The following ARHGAP39 variants were observed in gnomAD, a reference collection of about 807,000 sequenced individuals.
ARHGAP39 encodes the protein rho GTPase-activating protein 39.
In ARHGAP39, 44 loss-of-function variants were observed where a neutral mutation model predicts 106.9. The ratio of observed to expected loss-of-function variants is 0.41; its 90% confidence interval spans 0.32 to 0.53. The LOEUF (loss-of-function observed/expected upper bound fraction) is 0.53, where lower values mean the gene tolerates loss of function less well. Among genes scored for constraint, ARHGAP39 ranks in the 20% least tolerant of loss-of-function variants. The pLI, the probability that ARHGAP39 is intolerant of heterozygous loss-of-function variation, is 0.21. For synonymous variants in ARHGAP39, 768 were observed against 693.2 expected, an observed-to-expected ratio of 1.11 and a Z score of -1.69; for missense variants, 1,496 against 1,577.3, an observed-to-expected ratio of 0.95 and a Z score of 0.87.
chr8:144,559,897 G>A (rs1025471476), intron 3 of ARHGAP39, among the ~76,000 whole-genome samples: 2 of 152,172 alleles, frequency 1.3e-5, no homozygotes, highest in Admixed American at 6.5e-5. Flanking sequence ...TGTTTTAATG[G>A]CAACCTATCA....
intron 6 of ARHGAP39, among the ~76,000 whole-genome samples, chr8:144,541,999 C>T (rs1817214753): frequency 6.6e-6 from 1 of 150,472 alleles, no homozygotes; most frequent in Non-Finnish European, 1.5e-5. Context: ...TAAAAAATGG[C>T]TTCACTGCTG....
intron 2 of ARHGAP39, among the ~76,000 whole-genome samples, chr8:144,584,981 TC>T (rs1300365267): frequency 1.3e-5 from 2 of 152,140 alleles, no homozygotes; most frequent in Non-Finnish European, 2.9e-5. Context: ...AAACTGAGAA[TC>T]ACCTCTTTGT....
rs1489587764 is a variant in ARHGAP39 at position 144,565,123 on chromosome 8, T to C, written c.513-9480A>G. On this transcript the variant is annotated intron_variant, in intron 3 of 11. Transcript: ENST00000377307. ...GAATTCCATCTCAAAAAAAAAATTA[T>C]ATACATATAAATTAGCTAGGTGTGG... Among the ~76,000 whole-genome samples, 3 of 150,988 alleles carry C rather than the reference T, an allele frequency of 2.0e-5. No homozygotes were observed. The East Asian group carries it at 5.9e-4, about 30-fold the overall frequency.
intron 1 of ARHGAP39, among the ~76,000 whole-genome samples, chr8:144,629,196 T>C (rs1159732857): frequency 6.6e-6 from 1 of 152,264 alleles, no homozygotes; most frequent in Non-Finnish European, 1.5e-5. Flanking sequence ...CGGTATCTTC[T>C]GTAACGGAAG....
chr8:144,654,921 C>T (rs1373223809), intron 1 of ARHGAP39, among the ~76,000 whole-genome samples: 1 of 151,996 alleles, frequency 6.6e-6, no homozygotes, highest in Non-Finnish European at 1.5e-5. Flanking sequence ...ACGGAGCAGG[C>T]AGGAGCCCCA....
rs777271175 is a variant in ARHGAP39, at chr8:144,530,819, G to A, written c.3033C>T (p.His1011=). Residue 1011 remains histidine, a synonymous_variant, in exon 11 of 12, where the codon CAC becomes CAT. Coordinates refer to ENST00000377307, the MANE Select transcript of ARHGAP39 (RefSeq NM_025251.3). The part of the protein sequence containing the change: ...YRELEEPLIP[H]EFYEQCIAHY... ...GCGCGATGCACTGCTCGTAGAACTCGTGCGGGATCAGGGGCTCCTCCAGCT... is the reference window on the plus strand; with the variant it reads ...GCGCGATGCACTGCTCGTAGAACTCATGCGGGATCAGGGGCTCCTCCAGCT... 6.2e-7 allele frequency: 1 copy of A among 1,611,802 alleles called. No individual in the cohort carries two copies. Among genetic ancestry groups the A allele is most frequent in the Non-Finnish European group, 8.5e-7 (1 of 1,179,718 alleles).
upstream of ARHGAP39, among the ~76,000 whole-genome samples, chr8:144,690,520 G>A (rs948210537): frequency 6.6e-6 from 1 of 151,996 alleles, no homozygotes; most frequent in East Asian, 1.9e-4. Flanking sequence ...GATGTGAGGC[G>A]ATATCTAATT....
intron 3 of ARHGAP39, among the ~76,000 whole-genome samples, chr8:144,556,213 A>T (rs1035098702): frequency 2.1e-5 from 3 of 143,420 alleles, no homozygotes; most frequent in Non-Finnish European, 4.5e-5. Context: ...TGAACCCGGG[A>T]GGCGGAGCGT....
chr8:144,579,133 C>T (rs1381475656), intron 3 of ARHGAP39, among the ~76,000 whole-genome samples: 5 of 132,740 alleles, frequency 3.8e-5, no homozygotes, highest in East Asian at 2.4e-4. Flanking sequence ...ACCCGGGAGG[C>T]GGAACTTGCA....
At chr8:144,661,606 G>A (rs907658765) in intron 1 of ARHGAP39, among the ~76,000 whole-genome samples, 5 of 152,042 alleles carry the variant, frequency 3.3e-5, no homozygotes, top group East Asian at 3.9e-4. Flanking sequence ...GGCTGGTCTC[G>A]AACTCCTGCC....
the ARHGAP39 span, among the ~76,000 whole-genome samples, chr8:144,699,861 C>G: frequency 1.3e-5 from 2 of 152,178 alleles, no homozygotes; most frequent in Non-Finnish European, 2.9e-5. Flanking sequence ...GGGCCCCCAG[C>G]CTGTCCAGGG....
At chr8:144,642,419 G>A (rs112781034) in intron 1 of ARHGAP39, among the ~76,000 whole-genome samples, 1,702 of 152,004 alleles carry the variant, frequency 0.011, 31 homozygotes, top group African/African-American at 0.039. Context: ...CCTGGGAGGC[G>A]GAGGCTGCAG....
intron 1 of ARHGAP39, among the ~76,000 whole-genome samples, chr8:144,635,709 C>G (rs1424000791): frequency 1.3e-5 from 2 of 152,102 alleles, no homozygotes; most frequent in East Asian, 3.9e-4. Context: ...GCTAGGTAGA[C>G]AGTGTGGAGA....
upstream of ARHGAP39, among the ~76,000 whole-genome samples, chr8:144,686,700 G>T (rs992499943): frequency 1.3e-5 from 2 of 152,158 alleles, no homozygotes; most frequent in African/African-American, 4.8e-5. Flanking sequence ...CTTCCCTGTT[G>T]GGCCGTCGTC....
rs779042514 is a variant in ARHGAP39 at position 144,534,153 on chromosome 8, C to A, written c.2664G>T (p.Lys888Asn). ...YAKYCYHKLQ[K>N]AALTGAKKGL... ...CCTTCTTGGCCCCGGTCAGGGCTGCCTTCTGTAGCTTGTGGTAACAGTACT... is the reference window on the plus strand; with the variant it reads ...CCTTCTTGGCCCCGGTCAGGGCTGCATTCTGTAGCTTGTGGTAACAGTACT... Residue 888 changes from lysine (K) to asparagine (N), a missense_variant, in exon 8 of 12, where the codon AAG becomes AAT. Coordinates refer to ENST00000377307, the MANE Select transcript of ARHGAP39 (RefSeq NM_025251.3). 1.9e-6 allele frequency: 3 copies of A among 1,613,222 alleles called. No homozygotes were observed. The highest frequency in any genetic ancestry group is 1.3e-5 in the African/African-American group (1 of 74,900).
chr8:144,620,032 C>T (rs529184359), intron 1 of ARHGAP39, among the ~76,000 whole-genome samples: 128 of 130,094 alleles, frequency 9.8e-4, no homozygotes, highest in Middle Eastern at 7.4e-3. Flanking sequence ...CAGTGTGTGC[C>T]GGTGTTTGTG....
At chr8:144,666,936 C>G (rs531314874) in intron 1 of ARHGAP39, among the ~76,000 whole-genome samples, 2 of 152,294 alleles carry the variant, frequency 1.3e-5, no homozygotes, top group South Asian at 2.1e-4. Flanking sequence ...CCAAGCCCCT[C>G]CTCCTTGGTC....
At chr8:144,615,425 G>A (rs2130960492) in intron 1 of ARHGAP39, among the ~76,000 whole-genome samples, 1 of 151,874 alleles carries the variant, frequency 6.6e-6, no homozygotes, top group Admixed American at 6.6e-5. Context: ...AGCTCCCCGA[G>A]ACACAACCCC....
intron 5 of ARHGAP39, among the ~76,000 whole-genome samples, chr8:144,546,201 A>G (rs1817414306): frequency 6.6e-6 from 1 of 152,166 alleles, no homozygotes; most frequent in African/African-American, 2.4e-5. Flanking sequence ...CACACCAGGT[A>G]AAAGTGCTGT....
Sources: allele counts gnomAD v4.1 joint callset (sites outside exome capture counted in the v4.1 genomes callset), GRCh38; gene constraint gnomAD v4.1.1; transcripts MANE v1.5; gene names NCBI Gene and HGNC (gene_info 2026-07-23, HGNC 2026-07-21).